RASSF3: variants seen among roughly 807,000 people sequenced by gnomAD.
RASSF3 encodes Ras association domain family member 3.
Under a neutral mutation model 19.9 loss-of-function variants are expected in RASSF3, and 19 were observed. That is an observed-to-expected ratio of 0.96 (90% CI 0.67 to 1.40). RASSF3 has a LOEUF of 1.40. Among genes scored for constraint, RASSF3 ranks in the 40% most tolerant of loss-of-function variants. The pLI is 0.00. For synonymous variants in RASSF3, 110 were observed against 104.2 expected, an observed-to-expected ratio of 1.06 and a Z score of -0.34; for missense variants, 306 against 289.8, an observed-to-expected ratio of 1.06 and a Z score of -0.41.
chr12:64,575,620 A>C (rs926942344), intron 2 of RASSF3: 1 of 152,198 alleles, frequency 6.6e-6, no homozygotes, highest in South Asian at 2.1e-4. Context: ...CTCCATATAG[A>C]AGACTATTAT....
At chr12:64,512,543 C>T (rs1470180665) in intron 1 of RASSF3, among the ~76,000 whole-genome samples, 1 of 152,052 alleles carries the variant, frequency 6.6e-6, no homozygotes, top group Non-Finnish European at 1.5e-5. Flanking sequence ...TTTTCCTCTG[C>T]AAGGAGAGAG....
At chr12:64,596,785 AATGGC>A in intron 2 of RASSF3, among the ~76,000 whole-genome samples, 1 of 152,098 alleles carries the variant, frequency 6.6e-6, no homozygotes, top group African/African-American at 2.4e-5. Context: ...GCTGGAGTGC[AATGGC>A]GTGATCTCAG....
intron 3 of RASSF3, among the ~76,000 whole-genome samples, chr12:64,690,623 GC>G (rs1374170199): frequency 6.6e-6 from 1 of 151,892 alleles, no homozygotes; most frequent in East Asian, 1.9e-4. Flanking sequence ...CTATAGGCGG[GC>G]CCCATTATGC....
chr12:64,659,517 A>G (rs1261756032), intron 1 of RASSF3, among the ~76,000 whole-genome samples: 1 of 152,114 alleles, frequency 6.6e-6, no homozygotes, highest in Non-Finnish European at 1.5e-5. Flanking sequence ...TTTTGGTTCA[A>G]GGGTTGTCTG....
chr12:64,674,915 C>G (rs1872828494), intron 1 of RASSF3, among the ~76,000 whole-genome samples: 1 of 152,164 alleles, frequency 6.6e-6, no homozygotes, highest in Non-Finnish European at 1.5e-5. Context: ...CTCTTTCTCT[C>G]TTGCTCTCTT....
intron 4 of RASSF3, among the ~76,000 whole-genome samples, chr12:64,693,313 G>GC (rs1340570820): frequency 1.3e-5 from 2 of 152,112 alleles, no homozygotes; most frequent in East Asian, 3.9e-4. Flanking sequence ...AGGATCCAGG[G>GC]CCCCCTTTGG....
At chr12:64,630,058 C>G (rs906085666) in intron 1 of RASSF3, 4 of 151,750 alleles carry the variant, frequency 2.6e-5, no homozygotes, top group Non-Finnish European at 4.4e-5. Flanking sequence ...AATAACAGCA[C>G]CAAATTCCCA....
intron 2 of RASSF3, among the ~76,000 whole-genome samples, chr12:64,549,949 A>G (rs892236629): frequency 9.9e-5 from 15 of 152,210 alleles, no homozygotes; most frequent in African/African-American, 3.6e-4. Flanking sequence ...TGTGTCTGTC[A>G]GATATTCTTT....
At chr12:64,643,904 G>A (rs1175392461) in intron 1 of RASSF3, among the ~76,000 whole-genome samples, 1 of 152,140 alleles carries the variant, frequency 6.6e-6, no homozygotes, top group Non-Finnish European at 1.5e-5. Context: ...TCATTGTTGT[G>A]TGTATGCAAT....
chr12:64,553,948 G>A (rs1869208278), intron 2 of RASSF3, among the ~76,000 whole-genome samples: 1 of 145,130 alleles, frequency 6.9e-6, no homozygotes, highest in African/African-American at 2.6e-5. Context: ...CTGCATTCCA[G>A]CCTGGGTGAC....
chr12:64,516,754 C>T (rs1270932174), intron 1 of RASSF3, among the ~76,000 whole-genome samples: 1 of 151,844 alleles, frequency 6.6e-6, no homozygotes, highest in Non-Finnish European at 1.5e-5. Context: ...AATCCTAGCA[C>T]TTTGGGAGGC....
intron 1 of RASSF3, among the ~76,000 whole-genome samples, chr12:64,661,655 C>T (rs761587724): frequency 4.0e-5 from 6 of 150,988 alleles, no homozygotes; most frequent in Non-Finnish European, 5.9e-5. Flanking sequence ...CATAACAAGA[C>T]CCCATCTCTC....
chr12:64,642,792 A>T (rs1404555636), intron 1 of RASSF3, among the ~76,000 whole-genome samples: 1 of 151,590 alleles, frequency 6.6e-6, no homozygotes. Flanking sequence ...TAGCTTCTGG[A>T]TTCAGACTAA....
chr12:64,567,858 T>TA (rs1869455525), intron 2 of RASSF3, among the ~76,000 whole-genome samples: 1 of 152,110 alleles, frequency 6.6e-6, no homozygotes, highest in Middle Eastern at 3.2e-3. Flanking sequence ...CAGGCAGGCG[T>TA]AATGGGAGAC....
Position 64,675,045 on chromosome 12 carries a change from GCCC to G in RASSF3, c.112-9730_112-9728del, listed in dbSNP as rs1226885486. Reference sequence around the variant, plus strand: ...AGAAGTTGTCTAAAATACCCACCTAGCCCCCCCCCCCCCCGCCACCCCGGCTTC... The same window carrying G: ...AGAAGTTGTCTAAAATACCCACCTAGCCCCCCCCCCCGCCACCCCGGCTTC... On this transcript the variant is annotated intron_variant, in intron 1 of 4. Coordinates refer to ENST00000542104, the MANE Select transcript of RASSF3 (RefSeq NM_178169.4). Among the ~76,000 whole-genome samples, 305 of 57,534 alleles carry G rather than the reference GCCC, an allele frequency of 5.3e-3. 18 individuals carry two copies. Among genetic ancestry groups the G allele is most frequent in the African/African-American group, 0.022 (293 of 13,232 alleles). The allele number at this position is 57,534 out of a possible 152,430, so 37.7% of individuals were successfully genotyped here. A position where few individuals can be genotyped will look rare whatever the true frequency, so the allele number is the denominator to read the frequency against.
intron 2 of RASSF3, among the ~76,000 whole-genome samples, chr12:64,601,548 T>C (rs909340275): frequency 1.3e-5 from 2 of 152,042 alleles, no homozygotes; most frequent in African/African-American, 4.8e-5. Context: ...ATTAAGAATA[T>C]GACTGGGCTT....
At chr12:64,654,784 G>C (rs1481768639) in intron 1 of RASSF3, 1 of 152,078 alleles carries the variant, frequency 6.6e-6, no homozygotes, top group Non-Finnish European at 1.5e-5. Flanking sequence ...AGGATCCCTT[G>C]AACCTGGGAG....
At chr12:64,520,863 A>C (rs1194271228) in intron 1 of RASSF3, among the ~76,000 whole-genome samples, 1 of 152,112 alleles carries the variant, frequency 6.6e-6, no homozygotes, top group Non-Finnish European at 1.5e-5. Context: ...AGGACCCCAA[A>C]GGAGCTAGAG....
At chr12:64,686,071 C>T (rs924472236) in intron 2 of RASSF3, among the ~76,000 whole-genome samples, 16 of 152,166 alleles carry the variant, frequency 1.1e-4, no homozygotes, top group African/African-American at 3.6e-4. Flanking sequence ...TAGAACTCCT[C>T]CAAAAAGAGG....
Sources: gnomAD v4.1 joint callset for allele counts (sites outside exome capture counted in the v4.1 genomes callset) on GRCh38, gnomAD v4.1.1 for gene constraint, MANE v1.5 for transcripts, NCBI Gene and HGNC (gene_info 2026-07-23, HGNC 2026-07-21) for gene names.